PALLD: variants seen among roughly 807,000 people sequenced by gnomAD.
PALLD encodes palladin, cytoskeletal associated protein, also known as palladin.
A neutral mutation model predicts 123.5 loss-of-function variants in PALLD; 61 were observed. The observed-to-expected ratio is 0.49, with a 90% CI of 0.40 to 0.61. PALLD has a LOEUF of 0.61. Ranked by LOEUF, PALLD falls within the 20% of genes least tolerant of loss-of-function variation. The pLI, the probability that PALLD is intolerant of heterozygous loss-of-function variation, is 0.00. For missense variants in PALLD, 1,273 were observed against 1,377.0 expected (o/e 0.92, Z 1.20); for synonymous variants, 465 against 496.4 (o/e 0.94, Z 0.84).
At chr4:168,878,283 C>T in intron 10 of PALLD, 1 of 1,527,256 alleles carries the variant, frequency 6.5e-7, no homozygotes, top group Non-Finnish European at 8.7e-7. Flanking sequence ...TCGCCTGCCA[C>T]CCGCTTCGGC....
At chr4:168,814,464 G>C (rs904498703) in intron 10 of PALLD, among the ~76,000 whole-genome samples, 1 of 152,158 alleles carries the variant, frequency 6.6e-6, no homozygotes, top group African/African-American at 2.4e-5. Context: ...TTTCTGTTAG[G>C]ATGAAACCGA....
At chr4:168,698,496 T>C (rs1783367789) in intron 8 of PALLD, among the ~76,000 whole-genome samples, 1 of 152,068 alleles carries the variant, frequency 6.6e-6, no homozygotes, top group Admixed American at 6.5e-5. Flanking sequence ...ACCCAGTAAA[T>C]ATATATACTT....
At chr4:168,680,927 A>G (rs1351116289) in intron 3 of PALLD, among the ~76,000 whole-genome samples, 1 of 152,214 alleles carries the variant, frequency 6.6e-6, no homozygotes, top group Non-Finnish European at 1.5e-5. Flanking sequence ...TTTACCCAGG[A>G]GCCAGAAAGC....
chr4:168,738,805 C>G (rs2150339070), intron 10 of PALLD, among the ~76,000 whole-genome samples: 1 of 151,540 alleles, frequency 6.6e-6, no homozygotes, highest in African/African-American at 2.4e-5. Context: ...TTATCTTACT[C>G]TTTTTTTATA....
chr4:168,546,972 A>C (rs949963701), intron 2 of PALLD, among the ~76,000 whole-genome samples: 1 of 152,160 alleles, frequency 6.6e-6, no homozygotes, highest in Non-Finnish European at 1.5e-5. Flanking sequence ...TAATTTTTTT[A>C]AAGTAATCTG....
chr4:168,823,775 G>A (rs1301986422), intron 10 of PALLD, among the ~76,000 whole-genome samples: 2 of 152,124 alleles, frequency 1.3e-5, no homozygotes, highest in Non-Finnish European at 2.9e-5. Flanking sequence ...GCTTATGTAG[G>A]GGCCTTCGTT....
At chr4:168,590,791 A>T (rs1490126017) in intron 2 of PALLD, among the ~76,000 whole-genome samples, 2 of 151,286 alleles carry the variant, frequency 1.3e-5, no homozygotes, top group Admixed American at 1.3e-4. Flanking sequence ...AGGGTAGAAC[A>T]CCATGGAGTG....
intron 2 of PALLD, among the ~76,000 whole-genome samples, chr4:168,627,514 A>C (rs1218539596): frequency 6.6e-6 from 1 of 152,212 alleles, no homozygotes; most frequent in Non-Finnish European, 1.5e-5. Flanking sequence ...TGTCTCCAAC[A>C]TATAGATAGA....
chr4:168,506,827 C>A (rs1327983170), intron 1 of PALLD, among the ~76,000 whole-genome samples: 1 of 152,154 alleles, frequency 6.6e-6, no homozygotes, highest in Admixed American at 6.5e-5. Context: ...AGTGCTGTTG[C>A]AATGGTGCTA....
chr4:168,594,336 C>T (rs1364222687), intron 2 of PALLD, among the ~76,000 whole-genome samples: 1 of 152,046 alleles, frequency 6.6e-6, no homozygotes, highest in Non-Finnish European at 1.5e-5. Context: ...TTAGAATAAG[C>T]TTTACCTTAG....
chr4:168,701,464 C>T (rs1239470819), intron 8 of PALLD, among the ~76,000 whole-genome samples: 1 of 152,156 alleles, frequency 6.6e-6, no homozygotes. Context: ...GAAGGGGCAA[C>T]TGTATATTCA....
At chr4:168,835,009 G>A (rs57076455) in intron 10 of PALLD, among the ~76,000 whole-genome samples, 7,784 of 152,272 alleles carry the variant, frequency 0.051, 565 homozygotes, top group African/African-American at 0.16. Flanking sequence ...TCAAGGTGCT[G>A]AAGTCATTAT....
Position 168,711,844 on chromosome 4 carries a change from A to G in PALLD, c.1885A>G (p.Ser629Gly), listed in dbSNP as rs934968174. ...TGGACTGATTAACGGCAAAGCTAAC[A>G]GTAATAAATCTCTTCCAACACCAGC... Reference protein sequence around the residue: ...VNGLINGKANSNKSLPTPAVL... With the variant: ...VNGLINGKANGNKSLPTPAVL... The change falls in exon 10 of 22, where the codon AGT becomes GGT. Residue 629 changes from serine (S) to glycine (G), a missense_variant. This residue lies in a region of PALLD where 944 missense variants were observed against 954.5 expected (regional missense o/e 0.99). Transcript: ENST00000505667. The G allele has an allele frequency of 6.8e-6, 11 of 1,614,100 alleles. No homozygotes were observed. The African/African-American group carries it at 9.3e-5, about 14-fold the overall frequency.
At chr4:168,681,227 A>G (rs1302470666) in intron 3 of PALLD, 105 bp from the exon 4 acceptor site, 3 of 756,000 alleles carry the variant, frequency 4.0e-6, no homozygotes, top group African/African-American at 3.5e-5. Context: ...GTTTCGGTCA[A>G]AAAGACTTTG....
chr4:168,722,623 A>T (rs1184643130), intron 10 of PALLD, among the ~76,000 whole-genome samples: 1 of 152,246 alleles, frequency 6.6e-6, no homozygotes, highest in Non-Finnish European at 1.5e-5. Flanking sequence ...ATACCAAAAA[A>T]GGAATGTGTA....
chr4:168,701,396 C>A (rs182406391), intron 8 of PALLD, among the ~76,000 whole-genome samples: 154 of 152,294 alleles, frequency 1.0e-3, no homozygotes, highest in Non-Finnish European at 1.3e-3. Context: ...TCCTCAAAGT[C>A]ATGGAAGGAT....
intron 10 of PALLD, chr4:168,877,851 C>T: frequency 7.3e-7 from 1 of 1,374,268 alleles, no homozygotes; most frequent in Non-Finnish European, 9.4e-7. Flanking sequence ...CCCGCCTTCC[C>T]CGAGCTCGCG....
At chr4:168,740,734 G>T (rs6814992) in intron 10 of PALLD, among the ~76,000 whole-genome samples, 65,983 of 151,958 alleles carry the variant, frequency 0.43, 14,568 homozygotes, top group East Asian at 0.59. Context: ...AAAAAACTCT[G>T]CAAGATTACC....
intron 11 of PALLD, among the ~76,000 whole-genome samples, chr4:168,891,682 TAAAA>T (rs5863966): frequency 7.0e-6 from 1 of 142,818 alleles, no homozygotes. Context: ...CCAATGGTAT[TAAAA>T]AAAAAAAAAA....
Sources: allele counts gnomAD v4.1 joint callset (sites outside exome capture counted in the v4.1 genomes callset), GRCh38; gene constraint gnomAD v4.1.1; regional missense constraint gnomAD v4.1.1; transcripts MANE v1.5; gene names NCBI Gene and HGNC (gene_info 2026-07-23, HGNC 2026-07-21).